Variants in BCL2L13 observed in about 807,000 individuals in gnomAD.
BCL2L13 encodes BCL2 like 13.
Under a neutral mutation model 25.8 loss-of-function variants are expected in BCL2L13, and 13 were observed. That is an observed-to-expected ratio of 0.50 (90% CI 0.33 to 0.80). BCL2L13 has a LOEUF of 0.80. Among genes scored for constraint, BCL2L13 ranks in the 30% least tolerant of loss-of-function variants. The pLI, the probability that BCL2L13 is intolerant of heterozygous loss-of-function variation, is 0.02. For synonymous variants in BCL2L13, 244 were observed against 230.3 expected (o/e 1.06, Z -0.54); for missense variants, 504 against 574.9 (o/e 0.88, Z 1.26).
chr22:17,696,267 T>C, intron 5 of BCL2L13, 57 bp downstream of exon 5: 1 of 1,352,994 alleles, frequency 7.4e-7, no homozygotes, highest in East Asian at 2.3e-5. Context: ...TGATAAGACG[T>C]AGGAGGAATT....
chr22:17,722,723 A>C (rs1016402854), intron 6 of BCL2L13, among the ~76,000 whole-genome samples: 1 of 152,198 alleles, frequency 6.6e-6, no homozygotes, highest in African/African-American at 2.4e-5. Flanking sequence ...GTCAATTTCC[A>C]TAAGAAAAAA....
At chr22:17,708,023 T>C (rs939941113) in intron 6 of BCL2L13, among the ~76,000 whole-genome samples, 1 of 152,214 alleles carries the variant, frequency 6.6e-6, no homozygotes, top group Non-Finnish European at 1.5e-5. Flanking sequence ...TATGTTTGTA[T>C]TTTATTTTAC....
chr22:17,693,372 G>GTTTGGTTTTTTTTTTTTTTT (rs1284865411), intron 4 of BCL2L13, among the ~76,000 whole-genome samples: 1 of 70,612 alleles, frequency 1.4e-5, no homozygotes, highest in Non-Finnish European at 2.7e-5. Flanking sequence ...TTTAGTGTTT[G>GTTTGGTTTTTTTTTTTTTTT]TTTTTTTTTT....
At chr22:17,699,841 T>C (rs2060378843) in intron 5 of BCL2L13, among the ~76,000 whole-genome samples, 1 of 152,072 alleles carries the variant, frequency 6.6e-6, no homozygotes, top group African/African-American at 2.4e-5. Context: ...GGAGGTCAGT[T>C]GTAGAATTAA....
At chr22:17,684,938 T>G (rs1459009485) in intron 3 of BCL2L13, among the ~76,000 whole-genome samples, 1 of 152,236 alleles carries the variant, frequency 6.6e-6, no homozygotes, top group Non-Finnish European at 1.5e-5. Flanking sequence ...TTCAGCGTGT[T>G]AGCCAGGATG....
At chr22:17,654,031 T>C (rs576360675) in intron 1 of BCL2L13, among the ~76,000 whole-genome samples, 32 of 152,130 alleles carry the variant, frequency 2.1e-4, no homozygotes, top group Non-Finnish European at 4.3e-4. Context: ...CTAATGCCTA[T>C]AGAGTACCTT....
At chr22:17,649,871 C>CTTTTTTTTTTTTTTTT (rs71201855) in intron 1 of BCL2L13, among the ~76,000 whole-genome samples, 1 of 94,390 alleles carries the variant, frequency 1.1e-5, no homozygotes, top group Non-Finnish European at 2.1e-5. Flanking sequence ...TTTTTCTTTT[C>CTTTTTTTTTTTTTTTT]TTTTTTTTTT....
In BCL2L13 at chr22:17,727,679, G is replaced by A. The variant is rs1273027103; in HGVS notation, c.*145G>A. Reference sequence around the variant, plus strand: ...GCTCAACATGGCAGTGGCATGTTAGGCATGTTAGGGCTTGAGGTGGGGCAT... The same window carrying A: ...GCTCAACATGGCAGTGGCATGTTAGACATGTTAGGGCTTGAGGTGGGGCAT... On this transcript the variant is annotated 3_prime_UTR_variant, in exon 7 of 7. Coordinates refer to ENST00000317582, the MANE Select transcript of BCL2L13 (RefSeq NM_015367.4). The A allele has an allele frequency of 9.2e-7, 1 of 1,092,880 alleles. No homozygotes were observed. Among genetic ancestry groups the A allele is most frequent in the Non-Finnish European group, 1.3e-6 (1 of 773,696 alleles). 67.7% of individuals were successfully genotyped at this position (1,092,880 alleles called of 1,614,324 possible).
intron 2 of BCL2L13, among the ~76,000 whole-genome samples, chr22:17,659,214 A>T (rs2058989509): frequency 1.4e-5 from 2 of 145,922 alleles, no homozygotes; most frequent in African/African-American, 4.9e-5. Context: ...AAATACAAAA[A>T]TTAGCTAGGT....
chr22:17,691,851 T>G (rs546774342), intron 4 of BCL2L13, among the ~76,000 whole-genome samples: 98 of 150,816 alleles, frequency 6.5e-4, no homozygotes, highest in Non-Finnish European at 1.0e-3. Context: ...AATTGATGTC[T>G]TCTCACAGCA....
At chr22:17,714,496 G>A (rs2060857410) in intron 6 of BCL2L13, among the ~76,000 whole-genome samples, 1 of 152,268 alleles carries the variant, frequency 6.6e-6, no homozygotes, top group African/African-American at 2.4e-5. Flanking sequence ...ACTTAATCAG[G>A]AAAGGCTTCT....
In BCL2L13 at chr22:17,687,158, G is replaced by A. The variant is rs773275506; in HGVS notation, c.230-1828G>A. ...GCAATAAATACTTAATGCAGATGAC[G>A]GCTAAATCTTGGGAGTGGGTGCAAG... On this transcript the variant is annotated intron_variant, in intron 3 of 6. Coordinates refer to ENST00000317582, the MANE Select transcript of BCL2L13 (RefSeq NM_015367.4). Among the ~76,000 whole-genome samples the A allele has an allele frequency of 2.6e-5, 4 of 152,108 alleles. 1 individual carries two copies. Among genetic ancestry groups the A allele is most frequent in the African/African-American group, 4.8e-5 (2 of 41,426 alleles).
rs115730769 is a variant in BCL2L13, at chr22:17,695,019, A to G, written c.387-1122A>G. ...AGAAAAGTTCCTTTGGCGTCATGCA[A>G]ATCTGCTACAGGTGTGGCCACGTAG... is the stretch of plus-strand genomic sequence containing the variant. On this transcript the variant is annotated intron_variant, in intron 4 of 6. Transcript: ENST00000317582. Among the ~76,000 whole-genome samples, 599 of 145,994 alleles carry G rather than the reference A, an allele frequency of 4.1e-3. 4 individuals carry two copies. The highest frequency in any genetic ancestry group is 0.015 in the African/African-American group (578 of 37,526).
At chr22:17,655,984 T>C in intron 2 of BCL2L13, 152 bp downstream of exon 2, 23 of 714,338 alleles carry the variant, frequency 3.2e-5, no homozygotes, top group South Asian at 5.7e-5. Context: ...GGCTCACACC[T>C]GTTATGCCAG....
chr22:17,727,321 C>T lies in BCL2L13; in HGVS notation c.1245C>T (p.Asn415=), dbSNP rs374669414. ...TETLLSEKEI[N]AREESLVEEL... is the part of the protein sequence containing the mutation. ...CGCTGCTGAGTGAGAAGGAGATAAA[C>T]GCAAGGGAAGAGAGCCTTGTGGAAG... Residue 415 remains asparagine, a synonymous_variant, in exon 7 of 7, where the codon AAC becomes AAT. Transcript: ENST00000317582. The T allele has an allele frequency of 2.5e-5, 40 of 1,614,202 alleles. No individual in the cohort carries two copies. The highest frequency in any genetic ancestry group is 5.0e-5 in the Admixed American group (3 of 60,024).
intron 1 of BCL2L13, among the ~76,000 whole-genome samples, 183 bp downstream of exon 1, chr22:17,639,069 C>G (rs532830788): frequency 6.6e-6 from 1 of 152,202 alleles, no homozygotes; most frequent in South Asian, 2.1e-4. Context: ...GCTTAGGGGT[C>G]CGCTTCACCG....
chr22:17,701,262 T>C (rs2060425394), intron 5 of BCL2L13, among the ~76,000 whole-genome samples: 1 of 152,174 alleles, frequency 6.6e-6, no homozygotes, highest in Non-Finnish European at 1.5e-5. Flanking sequence ...AAAGTTCTTA[T>C]TTTCAAATAA....
At chr22:17,696,683 A>T (rs920170205) in intron 5 of BCL2L13, among the ~76,000 whole-genome samples, 6 of 152,186 alleles carry the variant, frequency 3.9e-5, no homozygotes, top group African/African-American at 1.4e-4. Context: ...GGATTTTATT[A>T]GGTCTTCTTT....
intron 2 of BCL2L13, among the ~76,000 whole-genome samples, chr22:17,679,840 A>T (rs2059682522): frequency 6.6e-6 from 1 of 151,916 alleles, no homozygotes; most frequent in Non-Finnish European, 1.5e-5. Context: ...TTTTCCCCTT[A>T]TTACCAACCA....
Sources: allele counts gnomAD v4.1 joint callset (sites outside exome capture counted in the v4.1 genomes callset), GRCh38; gene constraint gnomAD v4.1.1; transcripts MANE v1.5; gene names NCBI Gene and HGNC (gene_info 2026-07-23, HGNC 2026-07-21).